The following CBFB variants were observed in gnomAD, a reference collection of about 807,000 sequenced individuals.
CBFB encodes core-binding factor subunit beta, also known as CBF-beta.
In CBFB, 9 loss-of-function variants were observed where a neutral mutation model predicts 30.4. The observed-to-expected ratio is 0.30, with a 90% CI of 0.18 to 0.52. The LOEUF is 0.52. Among genes scored for constraint, CBFB ranks in the 20% least tolerant of loss-of-function variants. The probability of loss-of-function intolerance (pLI) is 0.97; values close to 1 mark genes in which losing one functional copy is unlikely to be tolerated. For synonymous variants in CBFB, 94 were observed against 84.0 expected, an observed-to-expected ratio of 1.12 and a Z score of -0.65; for missense variants, 170 against 244.0, an observed-to-expected ratio of 0.70 and a Z score of 2.02.
chr16:67,043,525 CTT>C (rs1966569125), intron 3 of CBFB, among the ~76,000 whole-genome samples: 2 of 152,252 alleles, frequency 1.3e-5, no homozygotes, highest in South Asian at 2.1e-4. Flanking sequence ...ATATTTGAAA[CTT>C]TTATACCCAG....
intron 4 of CBFB, among the ~76,000 whole-genome samples, chr16:67,077,063 A>G (rs905712254): frequency 5.9e-5 from 9 of 152,216 alleles, no homozygotes; most frequent in Non-Finnish European, 1.0e-4. Context: ...GTGTACCACT[A>G]CTAGTTCCTA....
intron 3 of CBFB, among the ~76,000 whole-genome samples, chr16:67,043,997 C>G (rs1440480507): frequency 6.6e-6 from 1 of 152,212 alleles, no homozygotes; most frequent in African/African-American, 2.4e-5. Flanking sequence ...AGCAACTAAT[C>G]AGAATTTAAA....
rs1483281297 is a variant in CBFB, at chr16:67,029,467, G to A, written c.60G>A (p.Lys20=). The A allele has an allele frequency of 6.3e-7, 1 of 1,591,230 alleles. No homozygotes were observed. Among genetic ancestry groups the A allele is most frequent in the Admixed American group, 1.7e-5 (1 of 57,862 alleles). ...TCGAGAACGAGGAGTTTTTTAGGAA[G>A]CTGAGCCGCGAGTGTGAGGTGAGGC... ...SKFENEEFFR[K]LSRECEIKYT... Residue 20 remains lysine, a synonymous_variant, in exon 1 of 6, where the codon AAG becomes AAA. Coordinates refer to ENST00000412916, the MANE Select transcript of CBFB (RefSeq NM_022845.3).
chr16:67,063,346 G>T (rs532991944), intron 3 of CBFB, among the ~76,000 whole-genome samples: 7 of 152,304 alleles, frequency 4.6e-5, no homozygotes, highest in Admixed American at 6.5e-5. Flanking sequence ...GTAGAAATTG[G>T]TTCATTGTGG....
chr16:67,065,022 C>T (rs992572589), intron 3 of CBFB, among the ~76,000 whole-genome samples: 13 of 152,118 alleles, frequency 8.5e-5, no homozygotes, highest in African/African-American at 1.4e-4. Flanking sequence ...CTCAGCCTCC[C>T]GAGTAGCTGG....
chr16:67,080,842 T>G (rs1961533614), intron 4 of CBFB, among the ~76,000 whole-genome samples: 1 of 152,210 alleles, frequency 6.6e-6, no homozygotes, highest in Non-Finnish European at 1.5e-5. Context: ...GATTTTATTT[T>G]GATGAGTAGG....
chr16:67,060,235 T>C (rs1960867701), intron 3 of CBFB, among the ~76,000 whole-genome samples: 1 of 152,056 alleles, frequency 6.6e-6, no homozygotes, highest in African/African-American at 2.4e-5. Context: ...CAAAGTATGC[T>C]AAGATTACAA....
At chr16:67,089,993 A>G (rs547691508) in intron 5 of CBFB, among the ~76,000 whole-genome samples, 41 of 152,330 alleles carry the variant, frequency 2.7e-4, no homozygotes, top group African/African-American at 8.7e-4. Flanking sequence ...ACTTTAGACT[A>G]TGAAAGTCGA....
At chr16:67,077,460 G>C (rs1258655380) in intron 4 of CBFB, among the ~76,000 whole-genome samples, 1 of 152,218 alleles carries the variant, frequency 6.6e-6, no homozygotes, top group Non-Finnish European at 1.5e-5. Flanking sequence ...TAAGTGAAAA[G>C]TTACGTGCTA....
In CBFB at chr16:67,066,937, T is replaced by C. The variant is rs1307191452; in HGVS notation, c.399+139T>C. On this transcript the variant is annotated intron_variant, in intron 4 of 5. Coordinates refer to ENST00000412916, the MANE Select transcript of CBFB (RefSeq NM_022845.3). ...AAGCAATATTGAGGAATCCTGAAAA[T>C]GTTGATACTCAAATTCTGATCCTGA... 4.8e-5 allele frequency: 24 copies of C among 502,272 alleles called. No homozygotes were observed. The East Asian group carries it at 6.5e-4, about 14-fold the overall frequency. The allele number at this position is 502,272 out of a possible 1,614,324, so 31.1% of individuals were successfully genotyped here. A position where few individuals can be genotyped will look rare whatever the true frequency, so the allele number is the denominator to read the frequency against.
intron 5 of CBFB, among the ~76,000 whole-genome samples, chr16:67,086,950 TAG>T (rs1366249787): frequency 9.9e-5 from 15 of 151,846 alleles, no homozygotes; most frequent in African/African-American, 3.4e-4. Context: ...GTAGTATACT[TAG>T]AGGGATTTGA....
At chr16:67,082,029 G>A (rs1961571687) in intron 4 of CBFB, 184 bp from the exon 5 acceptor site, 1 of 322,270 alleles carries the variant, frequency 3.1e-6, no homozygotes, top group Non-Finnish European at 5.8e-6. Flanking sequence ...ATGTTGGTCA[G>A]GCTGGTGTCG....
chr16:67,029,617 G>GAA, intron 1 of CBFB, 110 bp from the exon 2 acceptor site: 1 of 1,307,728 alleles, frequency 7.6e-7, no homozygotes, highest in Non-Finnish European at 1.1e-6. Flanking sequence ...TCGCCGGGGC[G>GAA]GCCATCGCCC....
At chr16:67,031,300 G>C (rs901650024) in intron 2 of CBFB, among the ~76,000 whole-genome samples, 1 of 152,178 alleles carries the variant, frequency 6.6e-6, no homozygotes, top group African/African-American at 2.4e-5. Flanking sequence ...AGTAATTGTA[G>C]TATTTATATG....
chr16:67,073,591 C>T (rs981975047), intron 4 of CBFB, among the ~76,000 whole-genome samples: 1 of 147,852 alleles, frequency 6.8e-6, no homozygotes, highest in African/African-American at 2.5e-5. Context: ...ACTGAAAATT[C>T]AAAAATTAGC....
intron 3 of CBFB, among the ~76,000 whole-genome samples, chr16:67,057,276 C>T (rs1299619292): frequency 6.6e-6 from 1 of 152,196 alleles, no homozygotes; most frequent in African/African-American, 2.4e-5. Context: ...AGCCACCGCG[C>T]CTATCCTCTA....
At chr16:67,053,081 A>T (rs1312179635) in intron 3 of CBFB, among the ~76,000 whole-genome samples, 2 of 151,724 alleles carry the variant, frequency 1.3e-5, no homozygotes, top group African/African-American at 4.8e-5. Context: ...CCCCCACAAA[A>T]TAATCACTAT....
At chr16:67,062,356 A>G (rs1960936121) in intron 3 of CBFB, among the ~76,000 whole-genome samples, 1 of 151,172 alleles carries the variant, frequency 6.6e-6, no homozygotes, top group African/African-American at 2.4e-5. Context: ...TTTAGTAGAG[A>G]CAGGGTTTTG....
At chr16:67,097,267 C>G (rs774998224) in intron 5 of CBFB, among the ~76,000 whole-genome samples, 1 of 151,768 alleles carries the variant, frequency 6.6e-6, no homozygotes, top group Non-Finnish European at 1.5e-5. Context: ...GATCTGGGGC[C>G]GGGCGTGGTG....
Sources: allele counts gnomAD v4.1 joint callset (sites outside exome capture counted in the v4.1 genomes callset), GRCh38; gene constraint gnomAD v4.1.1; transcripts MANE v1.5; gene names NCBI Gene and HGNC (gene_info 2026-07-23, HGNC 2026-07-21).